The following PHACTR3 variants were observed in gnomAD, a reference collection of about 807,000 sequenced individuals.
PHACTR3 encodes protein phosphatase 1, regulatory subunit 123.
Under a neutral mutation model 66.8 loss-of-function variants are expected in PHACTR3, and 16 were observed. That is an observed-to-expected ratio of 0.24 (90% CI 0.16 to 0.36). PHACTR3 has a LOEUF of 0.36. Ranked by LOEUF, PHACTR3 falls within the 10% of genes least tolerant of loss-of-function variation. PHACTR3 has a pLI of 1.00. For missense variants in PHACTR3, 647 were observed against 719.9 expected (o/e 0.90, Z 1.16); for synonymous variants, 323 against 292.1 (o/e 1.11, Z -1.08).
chr20:59,818,128 C>G (rs1301237228), intron 8 of PHACTR3, among the ~76,000 whole-genome samples: 1 of 152,190 alleles, frequency 6.6e-6, no homozygotes, highest in East Asian at 1.9e-4. Flanking sequence ...CACCCTTGCT[C>G]TAAGGAAGCC....
intron 3 of PHACTR3, among the ~76,000 whole-genome samples, chr20:59,754,535 G>A (rs2039715198): frequency 1.3e-5 from 2 of 152,222 alleles, no homozygotes; most frequent in Non-Finnish European, 2.9e-5. Flanking sequence ...CAGACACGTA[G>A]CCGGTGATCA....
intron 1 of PHACTR3, among the ~76,000 whole-genome samples, chr20:59,655,535 T>C (rs759051061): frequency 1.3e-5 from 2 of 151,848 alleles, no homozygotes; most frequent in Non-Finnish European, 2.9e-5. Context: ...ATTTGAGTCT[T>C]CTCTCTCTCT....
chr20:59,635,101 C>CTCTCTTTCTTTCTTTCTT (rs1555881117), intron 1 of PHACTR3, among the ~76,000 whole-genome samples: 1 of 92,904 alleles, frequency 1.1e-5, no homozygotes, highest in African/African-American at 4.4e-5. Flanking sequence ...TTCTTTCTCT[C>CTCTCTTTCTTTCTTTCTT]TCTTTCTTTC....
At chr20:59,742,569 A>G (rs979659482) in intron 1 of PHACTR3, among the ~76,000 whole-genome samples, 3 of 152,078 alleles carry the variant, frequency 2.0e-5, no homozygotes, top group Non-Finnish European at 4.4e-5. Flanking sequence ...TCTACCCTAG[A>G]AGAGGTGGCA....
chr20:59,705,354 G>A (rs2037665636), intron 1 of PHACTR3, among the ~76,000 whole-genome samples: 1 of 152,096 alleles, frequency 6.6e-6, no homozygotes. Context: ...TTATTTCTAT[G>A]TGTTTAATGT....
At chr20:59,633,253 A>G (rs550236658) in intron 1 of PHACTR3, among the ~76,000 whole-genome samples, 1 of 152,348 alleles carries the variant, frequency 6.6e-6, no homozygotes, top group East Asian at 1.9e-4. Flanking sequence ...AAACAACCCA[A>G]ATGCCCATCA....
chr20:59,585,851 G>C (rs192557953), intron 1 of PHACTR3, among the ~76,000 whole-genome samples: 4 of 152,204 alleles, frequency 2.6e-5, no homozygotes, highest in Non-Finnish European at 5.9e-5. Flanking sequence ...TTAGCAAAAA[G>C]AATCTCCTAA....
At chr20:59,764,969 G>A (rs925433142) in intron 4 of PHACTR3, among the ~76,000 whole-genome samples, 1 of 152,204 alleles carries the variant, frequency 6.6e-6, no homozygotes, top group South Asian at 2.1e-4. Context: ...GCTGTGAAGT[G>A]TGGTGTCCCA....
chr20:59,648,302 G>T (rs2035352232), intron 1 of PHACTR3, among the ~76,000 whole-genome samples: 1 of 149,524 alleles, frequency 6.7e-6, no homozygotes, highest in Admixed American at 6.7e-5. Context: ...GGAAGGAGGT[G>T]AGTTTCTCTT....
intron 1 of PHACTR3, among the ~76,000 whole-genome samples, chr20:59,741,322 G>C (rs1286045207): frequency 1.3e-5 from 2 of 152,244 alleles, no homozygotes; most frequent in Non-Finnish European, 2.9e-5. Context: ...CAGGGCGAGG[G>C]GTCCTGGCAG....
Position 59,620,425 on chromosome 20 carries a change from C to A in PHACTR3, c.118+15293C>A, listed in dbSNP as rs146912893. Among the ~76,000 whole-genome samples, 996 of 152,316 alleles carry A rather than the reference C, an allele frequency of 6.5e-3. 18 individuals are homozygous for A. The highest frequency in any genetic ancestry group is 0.023 in the African/African-American group (941 of 41,564). On this transcript the variant is annotated intron_variant, in intron 1 of 12. Transcript: ENST00000371015. ...GTGATCCACCCAGGATCCCACGTGG[C>A]ACGCGGCCAGCATGTCTCCTTAGCG...
At chr20:59,843,330 C>CAAAAATAGTA (rs1317215121) in intron 11 of PHACTR3, 1 of 151,966 alleles carries the variant, frequency 6.6e-6, no homozygotes, top group African/African-American at 2.4e-5. Context: ...TCATTTTTCA[C>CAAAAATAGTA]AAAAATAGTA....
At chr20:59,673,452 C>T (rs918917745) in intron 1 of PHACTR3, among the ~76,000 whole-genome samples, 12 of 152,204 alleles carry the variant, frequency 7.9e-5, no homozygotes, top group Admixed American at 3.9e-4. Flanking sequence ...CGGTTCGCCC[C>T]GCCCAGGTCA....
intron 7 of PHACTR3, among the ~76,000 whole-genome samples, chr20:59,792,024 C>G (rs1035106779): frequency 6.6e-6 from 1 of 152,122 alleles, no homozygotes; most frequent in African/African-American, 2.4e-5. Context: ...TTCTTTGTCC[C>G]TTTCCTGTCT....
chr20:59,622,990 A>AAAAAAAAAAAAAAAACAAAC (rs2034306994), intron 1 of PHACTR3, among the ~76,000 whole-genome samples: 1 of 141,934 alleles, frequency 7.0e-6, no homozygotes, highest in Non-Finnish European at 1.5e-5. Flanking sequence ...CCAAAAAAAA[A>AAAAAAAAAAAAAAAACAAAC]AAAAAAAAAA....
chr20:59,690,012 A>G (rs143597993), intron 1 of PHACTR3, among the ~76,000 whole-genome samples: 21 of 152,218 alleles, frequency 1.4e-4, no homozygotes, highest in African/African-American at 4.6e-4. Context: ...TGAAACTTCA[A>G]ATCTCATTAT....
At chr20:59,840,626 G>A (rs915981328) in intron 10 of PHACTR3, among the ~76,000 whole-genome samples, 196 bp downstream of exon 10, 49 of 152,214 alleles carry the variant, frequency 3.2e-4, no homozygotes, top group African/African-American at 1.1e-3. Flanking sequence ...CCCTATGGAC[G>A]AAGTCCTTCC....
At chr20:59,588,377 T>A (rs1196618553) in intron 1 of PHACTR3, among the ~76,000 whole-genome samples, 1 of 152,130 alleles carries the variant, frequency 6.6e-6, no homozygotes, top group East Asian at 1.9e-4. Context: ...GGCTGCCCCA[T>A]CTCTCCCTGT....
chr20:59,691,010 A>G (rs573433976), intron 1 of PHACTR3, among the ~76,000 whole-genome samples: 1 of 152,166 alleles, frequency 6.6e-6, no homozygotes, highest in South Asian at 2.1e-4. Context: ...TATGATCTGG[A>G]TGATTCTAGA....
Sources: gnomAD v4.1 joint callset for allele counts (sites outside exome capture counted in the v4.1 genomes callset) on GRCh38, gnomAD v4.1.1 for gene constraint, MANE v1.5 for transcripts, NCBI Gene and HGNC (gene_info 2026-07-23, HGNC 2026-07-21) for gene names.